FRMPD4: variants seen among roughly 807,000 people sequenced by gnomAD.
FRMPD4 encodes the protein FERM and PDZ domain containing 4.
FRMPD4 carries 22 observed loss-of-function variants against 94.1 expected under a neutral mutation model. That is an observed-to-expected ratio of 0.23 (90% CI 0.17 to 0.33). The LOEUF (loss-of-function observed/expected upper bound fraction) is 0.33. FRMPD4 is among the 10% of genes least tolerant of loss of function. The probability of loss-of-function intolerance (pLI) is 1.00; values close to 1 mark genes in which losing one functional copy is unlikely to be tolerated. For synonymous variants in FRMPD4, 631 were observed against 548.6 expected (o/e 1.15, Z -2.10); for missense variants, 1,111 against 1,339.9 (o/e 0.83, Z 2.67).
chrX:12,502,219 TA>T (rs2057929511), intron 2 of FRMPD4, among the ~76,000 whole-genome samples: 1 of 112,405 alleles, frequency 8.9e-6, no homozygotes, highest in African/African-American at 3.2e-5. Context: ...CAGAAATGAT[TA>T]ACTCCATTTT....
chrX:12,582,263 C>G lies in FRMPD4; in HGVS notation c.159-27458C>G, dbSNP rs146097966. On this transcript the variant is annotated intron_variant, in intron 2 of 16. Transcript: ENST00000675598. ...GGTTGCTTTCTCTTTGTATTGGTTC[C>G]TTTCTGAGACAGAAAATGTAAGTAA... Among the ~76,000 whole-genome samples the G allele has an allele frequency of 9.1e-3, 1,021 of 112,090 alleles. 9 individuals carry two copies. Among genetic ancestry groups the G allele is most frequent in the Non-Finnish European group, 0.014 (740 of 53,202 alleles).
rs183402600 is a variant in FRMPD4, at chrX:12,606,923, C to A, written c.159-2798C>A. Among the ~76,000 whole-genome samples the A allele has an allele frequency of 1.4e-3, 159 of 111,618 alleles. 1 individual carries two copies. The highest frequency in any genetic ancestry group is 4.9e-3 in the African/African-American group (151 of 30,707). On this transcript the variant is annotated intron_variant, in intron 2 of 16. Transcript: ENST00000675598. ...CCAGAGAACCAAAGTGTCCACCATG[C>A]CTAGCTGGCCCCATTCTTCCCCAGG...
In FRMPD4 at chrX:12,696,586, C is replaced by CAAAAAAAAAAAAAAAAA. The variant is rs57877846; in HGVS notation, c.933+2136_933+2152dup. ...AAAGAGAGAAAAAACAAAAATGAAG[C>CAAAAAAAAAAAAAAAAA]AAAAAAAAAAAAAAAAAAAAGACAC... On this transcript the variant is annotated intron_variant, in intron 9 of 16. Coordinates refer to ENST00000675598, the MANE Select transcript of FRMPD4 (RefSeq NM_001368397.1). 3.0e-4 allele frequency among the ~76,000 whole-genome samples: 9 copies of CAAAAAAAAAAAAAAAAA among 30,057 alleles called. 1 individual carries two copies. Among genetic ancestry groups the CAAAAAAAAAAAAAAAAA allele is most frequent in the African/African-American group, 3.2e-4 (3 of 9,506 alleles). 26.1% of individuals were successfully genotyped at this position (30,057 alleles called of 115,157 possible).
chrX:12,468,498 G>A (rs895739791), intron 1 of FRMPD4, among the ~76,000 whole-genome samples: 3 of 111,537 alleles, frequency 2.7e-5, no homozygotes, highest in Non-Finnish European at 5.7e-5. Context: ...TTAAGCACCC[G>A]ACACTCCAAG....
intron 3 of FRMPD4, among the ~76,000 whole-genome samples, chrX:12,066,720 AT>A (rs769300885): frequency 9.1e-6 from 1 of 109,874 alleles, no homozygotes; most frequent in Admixed American, 9.7e-5. Flanking sequence ...CTAAAAAAAA[AT>A]CTGGATGGTT....
At chrX:12,361,461 A>T (rs1204735367) in intron 1 of FRMPD4, among the ~76,000 whole-genome samples, 3 of 112,175 alleles carry the variant, frequency 2.7e-5, no homozygotes, top group African/African-American at 9.7e-5. Flanking sequence ...GCTTGCTTTA[A>T]TGCAGAAGAG....
At chrX:12,431,976 C>T (rs946932432) in intron 1 of FRMPD4, among the ~76,000 whole-genome samples, 5 of 112,156 alleles carry the variant, frequency 4.5e-5, no homozygotes, top group African/African-American at 3.2e-5. Flanking sequence ...AACAGGCCTA[C>T]GGTCTACTTA....
rs767643176 is a variant in FRMPD4, at chrX:12,462,366, T to C, written c.42-36314T>C. 9.8e-5 allele frequency among the ~76,000 whole-genome samples: 11 copies of C among 112,389 alleles called. No individual in the cohort carries two copies. In the South Asian group the frequency reaches 3.7e-3, roughly 38 times the overall value. Reference sequence around the variant, plus strand: ...CCGTCAAATTTGAACCAGGACATTATTTTCCTAAGAAGAACAGAATGGATA... The same window carrying C: ...CCGTCAAATTTGAACCAGGACATTACTTTCCTAAGAAGAACAGAATGGATA... On this transcript the variant is annotated intron_variant, in intron 1 of 16. Transcript: ENST00000675598.
chrX:12,058,735 G>A (rs1041996335), intron 3 of FRMPD4, among the ~76,000 whole-genome samples: 4 of 111,173 alleles, frequency 3.6e-5, no homozygotes, highest in African/African-American at 9.8e-5. Flanking sequence ...CACTAAGTGA[G>A]TGATTTTTCA....
intron 2 of FRMPD4, among the ~76,000 whole-genome samples, chrX:12,546,436 C>T (rs2058477258): frequency 8.9e-6 from 1 of 112,211 alleles, no homozygotes; most frequent in Admixed American, 9.4e-5. Context: ...CCTTGGCCTC[C>T]CAAAGTGCTG....
At chrX:12,469,374 C>G (rs1324291645) in intron 1 of FRMPD4, among the ~76,000 whole-genome samples, 1 of 111,264 alleles carries the variant, frequency 9.0e-6, no homozygotes, top group African/African-American at 3.3e-5. Flanking sequence ...CTCAGCCTCC[C>G]AAGTAGCTGG....
chrX:12,298,953 G>A (rs2054815361), intron 1 of FRMPD4, among the ~76,000 whole-genome samples: 1 of 111,682 alleles, frequency 9.0e-6, no homozygotes, highest in Non-Finnish European at 1.9e-5. Flanking sequence ...AAGAATTTTA[G>A]CCTAGAAAAA....
At chrX:12,404,205 A>G (rs2056641214) in intron 1 of FRMPD4, among the ~76,000 whole-genome samples, 1 of 111,790 alleles carries the variant, frequency 8.9e-6, no homozygotes, top group African/African-American at 3.2e-5. Context: ...TTTTTTACAT[A>G]TACACAATAT....
intron 1 of FRMPD4, among the ~76,000 whole-genome samples, chrX:12,431,976 C>G (rs946932432): frequency 8.9e-6 from 1 of 112,156 alleles, no homozygotes; most frequent in Non-Finnish European, 1.9e-5. Context: ...AACAGGCCTA[C>G]GGTCTACTTA....
chrX:12,498,678 A>G lies in FRMPD4; in HGVS notation c.42-2A>G. ...TGATGCTTTTTTTTTTTTCTTTTCC[A>G]GCCACAGGACGAAGTCTTCAGGCTG... is the stretch of plus-strand genomic sequence containing the variant. On this transcript the variant is annotated splice_acceptor_variant, in intron 1 of 16. Transcript: ENST00000675598. LOFTEE classifies it high-confidence loss of function. 9.0e-7 allele frequency: 1 copy of G among 1,114,226 alleles called. No homozygotes were observed. Among genetic ancestry groups the G allele is most frequent in the Non-Finnish European group, 1.2e-6 (1 of 811,508 alleles). 91.8% of individuals were successfully genotyped at this position (1,114,226 alleles called of 1,213,427 possible). A position where few individuals can be genotyped will look rare whatever the true frequency, so the allele number is the denominator to read the frequency against.
intron 2 of FRMPD4, among the ~76,000 whole-genome samples, chrX:12,524,523 A>T (rs2058199493): frequency 9.0e-6 from 1 of 111,436 alleles, no homozygotes; most frequent in Admixed American, 9.5e-5. Flanking sequence ...CATTAATATG[A>T]TGATGATGAT....
chrX:12,241,677 A>T (rs2057131335), intron 1 of FRMPD4, among the ~76,000 whole-genome samples: 1 of 111,656 alleles, frequency 9.0e-6, no homozygotes, highest in Non-Finnish European at 1.9e-5. Flanking sequence ...AGGTAGGATG[A>T]TCACTTGAGC....
At chrX:12,037,014 T>C (rs1275113070) in intron 3 of FRMPD4, among the ~76,000 whole-genome samples, 4 of 112,089 alleles carry the variant, frequency 3.6e-5, no homozygotes, top group Admixed American at 2.8e-4. Flanking sequence ...TACATTTATC[T>C]GTCCATTTGT....
At chrX:12,042,595 G>A in intron 3 of FRMPD4, among the ~76,000 whole-genome samples, 1 of 111,611 alleles carries the variant, frequency 9.0e-6, no homozygotes, top group Non-Finnish European at 1.9e-5. Context: ...TTGTGTGTGG[G>A]TTGAGAGCAC....
Sources: allele counts gnomAD v4.1 joint callset (sites outside exome capture counted in the v4.1 genomes callset), GRCh38; gene constraint gnomAD v4.1.1; transcripts MANE v1.5; gene names NCBI Gene and HGNC (gene_info 2026-07-23, HGNC 2026-07-21).